Variants in ALPL observed in about 807,000 individuals in gnomAD.
The protein encoded by ALPL is alkaline phosphatase, biomineralization associated.
In ALPL, 42 loss-of-function variants were observed where a neutral mutation model predicts 51.3. The ratio of observed to expected loss-of-function variants is 0.82; its 90% CI spans 0.64 to 1.06. The LOEUF (loss-of-function observed/expected upper bound fraction) is 1.06, where lower values mean the gene tolerates loss of function less well. Ranked by LOEUF, ALPL falls within the 50% of genes least tolerant of loss-of-function variation. The probability of loss-of-function intolerance (pLI) is 0.00; values close to 1 mark genes in which losing one functional copy is unlikely to be tolerated. For synonymous variants in ALPL, 279 were observed against 296.4 expected (o/e 0.94, Z 0.60); for missense variants, 589 against 709.4 (o/e 0.83, Z 1.93).
In ALPL at chr1:21,516,982, C is replaced by G. The variant is rs186061651; in HGVS notation, c.-105+7465C>G. Among the ~76,000 whole-genome samples the G allele has an allele frequency of 1.6e-3, 247 of 152,302 alleles. 3 individuals carry two copies. The highest frequency in any genetic ancestry group is 5.7e-3 in the African/African-American group (237 of 41,562). On this transcript the variant is annotated intron_variant, in intron 1 of 11. Coordinates refer to ENST00000374840, the MANE Select transcript of ALPL (RefSeq NM_000478.6). ...ACATGGTAGCTTAGCCTGACTTACC[C>G]TAAATGTGTTCAGAACAGTTACATT... is the stretch of plus-strand genomic sequence containing the variant.
rs1372076147 is a variant in ALPL, at chr1:21,564,305, A to G, written c.648+89A>G. Reference sequence around the variant, plus strand: ...CTCAGGCCCAGGCTGGCCCGGAGAAAGCAGCCTGGCCTGGCTCCCCACACA... The same window carrying G: ...CTCAGGCCCAGGCTGGCCCGGAGAAGGCAGCCTGGCCTGGCTCCCCACACA... On this transcript the variant is annotated intron_variant, in intron 6 of 11. Transcript: ENST00000374840. The surrounding 1 kb of genome is among the most constrained non-coding windows in gnomAD (Gnocchi z 5.8). The G allele has an allele frequency of 1.0e-5, 16 of 1,535,964 alleles. No homozygotes were observed. Among genetic ancestry groups the G allele is most frequent in the Non-Finnish European group, 1.2e-5 (14 of 1,127,698 alleles).
At chr1:21,576,800 A>C (rs1644743880) in intron 11 of ALPL, among the ~76,000 whole-genome samples, 159 bp downstream of exon 11, 1 of 152,082 alleles carries the variant, frequency 6.6e-6, no homozygotes, top group South Asian at 2.1e-4. Context: ...TGATTCAAAC[A>C]ACCTCAGTTT....
chr1:21,561,728 A>G lies in ALPL; in HGVS notation c.297+516A>G, dbSNP rs549868668. Among the ~76,000 whole-genome samples, 28 of 142,960 alleles carry G rather than the reference A, an allele frequency of 2.0e-4. 1 individual carries two copies. Among genetic ancestry groups the G allele is most frequent in the African/African-American group, 7.5e-4 (28 of 37,186 alleles). The allele number at this position is 142,960 out of a possible 152,430, so 93.8% of individuals were successfully genotyped here. A position where few individuals can be genotyped will look rare whatever the true frequency, so the allele number is the denominator to read the frequency against. On this transcript the variant is annotated intron_variant, in intron 4 of 11. Transcript: ENST00000374840. ...GTCTTCCAGGCTGGAGTACAGTAGC[A>G]TGACATCAGCTCACTGCAACCTCTG... is the stretch of plus-strand genomic sequence containing the variant.
chr1:21,575,764 A>G lies in ALPL; in HGVS notation c.1029A>G (p.Gly343=). 6.2e-7 allele frequency: 1 copy of G among 1,614,178 alleles called. No homozygotes were observed. The highest frequency in any genetic ancestry group is 8.5e-7 in the Non-Finnish European group (1 of 1,180,018). The change falls in exon 10 of 12, where the codon GGA becomes GGG. Residue 343 remains glycine (G), a synonymous_variant. Transcript: ENST00000374840. ...GAATTGACCACGGGCACCATGAAGG[A>G]AAAGCCAAGCAGGCCCTGCATGAGG... is the stretch of plus-strand genomic sequence containing the variant. ...GGRIDHGHHE[G]KAKQALHEAV...
intron 2 of ALPL, among the ~76,000 whole-genome samples, chr1:21,557,885 C>T (rs1217745806): frequency 6.6e-6 from 1 of 152,180 alleles, no homozygotes. Flanking sequence ...TGTGGGCTTC[C>T]CTGTGCCAAC....
chr1:21,544,738 T>C (rs528452154), intron 1 of ALPL, among the ~76,000 whole-genome samples: 1 of 152,348 alleles, frequency 6.6e-6, no homozygotes, highest in Admixed American at 6.5e-5. Flanking sequence ...AAAGTGAAAC[T>C]GTCTCAAAAC....
intron 2 of ALPL, among the ~76,000 whole-genome samples, chr1:21,556,179 T>C (rs1644411593): frequency 6.6e-6 from 1 of 152,228 alleles, no homozygotes; most frequent in South Asian, 2.1e-4. Context: ...AGTTTTTATG[T>C]TGATTTCTTG....
At chr1:21,516,454 A>G (rs1264951075) in intron 1 of ALPL, among the ~76,000 whole-genome samples, 1 of 152,228 alleles carries the variant, frequency 6.6e-6, no homozygotes, top group African/African-American at 2.4e-5. Flanking sequence ...CGTACTAGGC[A>G]TGGTGCTCAG....
chr1:21,569,542 G>T (rs1644615967), intron 7 of ALPL, among the ~76,000 whole-genome samples: 1 of 151,634 alleles, frequency 6.6e-6, no homozygotes, highest in Admixed American at 6.6e-5. Flanking sequence ...AGAGAGCACA[G>T]GAGAGCCACC....
At chr1:21,560,851 G>A in intron 3 of ALPL, 106 bp downstream of exon 3, 2 of 1,444,884 alleles carry the variant, frequency 1.4e-6, no homozygotes, top group Non-Finnish European at 1.9e-6. Flanking sequence ...TAGGGCTCTG[G>A]AGGAAGGGTG....
At chr1:21,523,298 CAAAAACA>C (rs1643902400) in intron 1 of ALPL, among the ~76,000 whole-genome samples, 5 of 151,998 alleles carry the variant, frequency 3.3e-5, no homozygotes, top group Admixed American at 3.3e-4. Flanking sequence ...GACTCCATCT[CAAAAACA>C]AAAAACAAAA....
At chr1:21,574,232 G>A (rs765800129) in intron 9 of ALPL, 5 of 983,710 alleles carry the variant, frequency 5.1e-6, no homozygotes, top group Non-Finnish European at 6.0e-6. Flanking sequence ...TTGGCCTGGC[G>A]CTGCCATCTG....
At chr1:21,516,920 C>A (rs1394891594) in intron 1 of ALPL, among the ~76,000 whole-genome samples, 1 of 152,140 alleles carries the variant, frequency 6.6e-6, no homozygotes, top group African/African-American at 2.4e-5. Context: ...TGAAAAATAT[C>A]ATAAGTAGAA....
chr1:21,562,885 A>C (rs1370473274), intron 4 of ALPL, among the ~76,000 whole-genome samples: 2 of 152,172 alleles, frequency 1.3e-5, no homozygotes, highest in African/African-American at 4.8e-5. Flanking sequence ...TTGGAGAGCT[A>C]AGGTCCTGCC....
At chr1:21,560,565 T>C in intron 2 of ALPL, 61 bp from the exon 3 acceptor site, 1 of 1,602,714 alleles carries the variant, frequency 6.2e-7, no homozygotes, top group Non-Finnish European at 8.5e-7. Flanking sequence ...GGGGGATCTG[T>C]ACGTCTGGAG....
Position 21,521,708 on chromosome 1 carries a change from G to A in ALPL, c.-105+12191G>A, listed in dbSNP as rs961764316. ...GGACAAGCCAGTGTCTCTGGGTCCA[G>A]TTTTCCTGTTGGCAGTTCAGGCCTT... is the stretch of plus-strand genomic sequence containing the variant. On this transcript the variant is annotated intron_variant, in intron 1 of 11. Coordinates refer to ENST00000374840, the MANE Select transcript of ALPL (RefSeq NM_000478.6). Among the ~76,000 whole-genome samples the A allele has an allele frequency of 2.6e-5, 4 of 152,278 alleles. No individual in the cohort carries two copies. The South Asian group carries it at 8.3e-4, about 32-fold the overall frequency.
Position 21,557,771 on chromosome 1 carries a change from G to A in ALPL, c.62-2855G>A, listed in dbSNP as rs115333789. Reference sequence around the variant, plus strand: ...TCAATTAGATATAACTTACAGAAAAGGGCACCGATCTTAAATACATAGCCT... The same window carrying A: ...TCAATTAGATATAACTTACAGAAAAAGGCACCGATCTTAAATACATAGCCT... On this transcript the variant is annotated intron_variant, in intron 2 of 11. Coordinates refer to ENST00000374840, the MANE Select transcript of ALPL (RefSeq NM_000478.6). 9.1e-3 allele frequency among the ~76,000 whole-genome samples: 1,385 copies of A among 152,128 alleles called. 23 individuals carry two copies. The highest frequency in any genetic ancestry group is 0.031 in the African/African-American group (1,287 of 41,502).
At chr1:21,526,865 G>C (rs1204052085) in intron 1 of ALPL, among the ~76,000 whole-genome samples, 1 of 152,032 alleles carries the variant, frequency 6.6e-6, no homozygotes, top group Non-Finnish European at 1.5e-5. Flanking sequence ...GACAAGATTA[G>C]CATTTTCTCA....
chr1:21,519,672 C>T (rs908748438), intron 1 of ALPL, among the ~76,000 whole-genome samples: 13 of 152,196 alleles, frequency 8.5e-5, no homozygotes, highest in Admixed American at 8.5e-4. Flanking sequence ...TGGTGTATGC[C>T]TGTAATTCCA....
Sources: gnomAD v4.1 joint callset for allele counts (sites outside exome capture counted in the v4.1 genomes callset) on GRCh38, gnomAD v4.1.1 for gene constraint, Gnocchi (gnomAD v3.1) non-coding constraint, MANE v1.5 for transcripts, NCBI Gene and HGNC (gene_info 2026-07-23, HGNC 2026-07-21) for gene names.